The following ARHGAP42 variants were observed in gnomAD, a reference collection of about 807,000 sequenced individuals.
The protein encoded by ARHGAP42 is Rho GTPase activating protein 42, also known as rho GTPase-activating protein 42.
ARHGAP42 carries 63 observed loss-of-function variants against 125.0 expected under a neutral mutation model. The ratio of observed to expected loss-of-function variants is 0.50; its 90% confidence interval spans 0.41 to 0.62. The LOEUF (loss-of-function observed/expected upper bound fraction) is 0.62. ARHGAP42 is among the 20% of genes least tolerant of loss of function. The pLI is 0.00. For missense variants in ARHGAP42, 766 were observed against 1,024.2 expected (o/e 0.75, Z 3.44); for synonymous variants, 339 against 351.0 (o/e 0.97, Z 0.38).
At chr11:100,742,440 T>G (rs768311540) in intron 1 of ARHGAP42, among the ~76,000 whole-genome samples, 1 of 152,206 alleles carries the variant, frequency 6.6e-6, no homozygotes, top group African/African-American at 2.4e-5. Context: ...TTCAGATATG[T>G]GACCTCTGGG....
At chr11:100,975,442 T>A (rs1858365190) in intron 19 of ARHGAP42, among the ~76,000 whole-genome samples, 1 of 152,200 alleles carries the variant, frequency 6.6e-6, no homozygotes, top group Admixed American at 6.5e-5. Flanking sequence ...TCTTATAACT[T>A]GCTTTTAGGA....
rs186827725 is a variant in ARHGAP42, at chr11:100,888,964, G to A, written c.385-24488G>A. Reference sequence around the variant, plus strand: ...GCTTTTCTCTCCTCGGAGTTCCAAAGCATCTTGTTGAAATTCTTGTGGCAT... The same window carrying A: ...GCTTTTCTCTCCTCGGAGTTCCAAAACATCTTGTTGAAATTCTTGTGGCAT... On this transcript the variant is annotated intron_variant, in intron 4 of 23. Coordinates refer to ENST00000298815, the MANE Select transcript of ARHGAP42 (RefSeq NM_152432.4). Among the ~76,000 whole-genome samples the A allele has an allele frequency of 7.9e-5, 12 of 152,290 alleles. No individual in the cohort carries two copies. In the East Asian group the frequency reaches 2.3e-3, roughly 29 times the overall value.
intron 1 of ARHGAP42, among the ~76,000 whole-genome samples, chr11:100,694,229 G>A (rs1861238891): frequency 6.6e-6 from 1 of 152,084 alleles, no homozygotes; most frequent in Admixed American, 6.5e-5. Flanking sequence ...CATAGCACCT[G>A]GCCAGGATTG....
chr11:100,845,530 G>A (rs1228234429), intron 3 of ARHGAP42, among the ~76,000 whole-genome samples: 1 of 151,994 alleles, frequency 6.6e-6, no homozygotes, highest in Non-Finnish European at 1.5e-5. Flanking sequence ...TAAAACTTAG[G>A]TTTCCTGGAA....
chr11:100,942,596 C>G, intron 9 of ARHGAP42, among the ~76,000 whole-genome samples: 1 of 152,166 alleles, frequency 6.6e-6, no homozygotes, highest in African/African-American at 2.4e-5. Context: ...GATAATTAGT[C>G]CAGCCTTATT....
chr11:100,929,630 T>A (rs1332146372), intron 6 of ARHGAP42, among the ~76,000 whole-genome samples: 3 of 152,238 alleles, frequency 2.0e-5, no homozygotes, highest in Admixed American at 1.3e-4. Context: ...TAGATTTCAC[T>A]GTGGTTTTGA....
chr11:100,876,362 A>C (rs1865824800), intron 4 of ARHGAP42, among the ~76,000 whole-genome samples: 2 of 152,204 alleles, frequency 1.3e-5, no homozygotes, highest in African/African-American at 4.8e-5. Flanking sequence ...AAAAATAAAG[A>C]ATCCTTTTTG....
intron 4 of ARHGAP42, among the ~76,000 whole-genome samples, chr11:100,911,788 A>T (rs1261240063): frequency 6.6e-6 from 1 of 152,042 alleles, no homozygotes; most frequent in African/African-American, 2.4e-5. Flanking sequence ...TTGTAATGTG[A>T]GTTTCTTAAC....
At chr11:100,812,079 A>T (rs890278545) in intron 3 of ARHGAP42, among the ~76,000 whole-genome samples, 3 of 152,092 alleles carry the variant, frequency 2.0e-5, no homozygotes, top group Non-Finnish European at 2.9e-5. Flanking sequence ...AGGATTACAG[A>T]TATGAGCCAC....
intron 2 of ARHGAP42, among the ~76,000 whole-genome samples, chr11:100,792,750 T>G (rs1439034132): frequency 9.3e-6 from 1 of 107,720 alleles, no homozygotes; most frequent in Non-Finnish European, 2.2e-5. Flanking sequence ...ACTTGGAATT[T>G]TCTTTTTTTT....
intron 1 of ARHGAP42, among the ~76,000 whole-genome samples, chr11:100,759,248 C>G (rs192203772): frequency 3.3e-5 from 5 of 152,224 alleles, no homozygotes; most frequent in African/African-American, 9.6e-5. Flanking sequence ...CACATCTCAT[C>G]GGCTTGATTT....
At chr11:100,749,746 C>T (rs372704648) in intron 1 of ARHGAP42, among the ~76,000 whole-genome samples, 1 of 152,130 alleles carries the variant, frequency 6.6e-6, no homozygotes, top group Non-Finnish European at 1.5e-5. Context: ...CCACTCGCTC[C>T]GTCCAGCAGT....
chr11:100,962,474 A>C lies in ARHGAP42; in HGVS notation c.1444+7A>C. ...GATTTTATCATTGCTGTTAGTAAGT[A>C]TACTTGCATCATATACACATTATAA... On this transcript the variant is annotated splice_region_variant and intron_variant, in intron 16 of 23. Transcript: ENST00000298815. The C allele has an allele frequency of 1.3e-6, 2 of 1,546,070 alleles. No individual in the cohort carries two copies. Among genetic ancestry groups the C allele is most frequent in the South Asian group, 2.4e-5 (2 of 83,938 alleles).
chr11:100,991,996 T>C lies in ARHGAP42; in HGVS notation c.*3195T>C. On this transcript the variant is annotated 3_prime_UTR_variant, in exon 24 of 24. Transcript: ENST00000298815. The stretch of plus-strand genomic sequence containing the variant: ...TGGCATCCTTCATAAAAATTCACTA[T>C]GTTGTGAGGCAAACAGATTTCTCAC... 3.6e-6 allele frequency: 1 copy of C among 277,034 alleles called. No homozygotes were observed. Among genetic ancestry groups the C allele is most frequent in the Non-Finnish European group, 6.7e-6 (1 of 148,542 alleles). 17.2% of individuals were successfully genotyped at this position (277,034 alleles called of 1,614,324 possible).
intron 3 of ARHGAP42, among the ~76,000 whole-genome samples, chr11:100,850,968 G>A (rs1185388775): frequency 7.4e-6 from 1 of 135,474 alleles, no homozygotes; most frequent in African/African-American, 2.9e-5. Context: ...AGCAACCTCC[G>A]CCACCCAGGT....
chr11:100,704,894 C>A (rs1197795191), intron 1 of ARHGAP42, among the ~76,000 whole-genome samples: 2 of 150,788 alleles, frequency 1.3e-5, no homozygotes, highest in Admixed American at 6.6e-5. Context: ...AGGAGGATCG[C>A]TTGAGCCCAG....
intron 12 of ARHGAP42, among the ~76,000 whole-genome samples, chr11:100,951,944 G>A (rs1565291341): frequency 6.6e-6 from 1 of 152,134 alleles, no homozygotes; most frequent in Non-Finnish European, 1.5e-5. Context: ...CCTGAGACAT[G>A]TGCTGAGCAC....
At chr11:100,838,108 C>T (rs1008815041) in intron 3 of ARHGAP42, among the ~76,000 whole-genome samples, 6 of 151,636 alleles carry the variant, frequency 4.0e-5, no homozygotes, top group South Asian at 2.1e-4. Flanking sequence ...ATTGCATTGA[C>T]GTGTTTGAAA....
chr11:100,883,175 A>G (rs1866000914), intron 4 of ARHGAP42, among the ~76,000 whole-genome samples: 2 of 152,008 alleles, frequency 1.3e-5, no homozygotes, highest in Non-Finnish European at 2.9e-5. Context: ...TTGAACCCTC[A>G]TCTCTTTCAA....
Sources: gnomAD v4.1 joint callset for allele counts (sites outside exome capture counted in the v4.1 genomes callset) on GRCh38, gnomAD v4.1.1 for gene constraint, MANE v1.5 for transcripts, NCBI Gene and HGNC (gene_info 2026-07-23, HGNC 2026-07-21) for gene names.